P2RY8: variants seen among roughly 807,000 people sequenced by gnomAD.
P2RY8 encodes the protein S-geranylgeranyl-glutathione receptor P2RY8.
P2RY8 carries 6 observed loss-of-function variants against 10.0 expected under a neutral mutation model. That is an observed-to-expected ratio of 0.60 (90% confidence interval 0.33 to 1.19). P2RY8 has a LOEUF of 1.19. Among genes scored for constraint, P2RY8 ranks in the 50% most tolerant of loss-of-function variants. The pLI is 0.04. For missense variants in P2RY8, 456 were observed against 542.0 expected, an observed-to-expected ratio of 0.84 and a Z score of 1.58; for synonymous variants, 276 against 252.5, an observed-to-expected ratio of 1.09 and a Z score of -0.88.
At chrX:1,530,695 C>G (rs1380582952) in intron 1 of P2RY8, among the ~76,000 whole-genome samples, 2 of 150,846 alleles carry the variant, frequency 1.3e-5, no homozygotes, top group Admixed American at 6.6e-5. Flanking sequence ...ATCTATGCAT[C>G]TATATATCTA....
intron 1 of P2RY8, among the ~76,000 whole-genome samples, chrX:1,507,553 A>G (rs1296310705): frequency 1.3e-5 from 2 of 152,146 alleles, no homozygotes; most frequent in Non-Finnish European, 2.9e-5. Context: ...GAGTCCCTGC[A>G]GTACTGGCGA....
At chrX:1,468,143 G>T (rs1218214014) in intron 1 of P2RY8, among the ~76,000 whole-genome samples, 2 of 134,570 alleles carry the variant, frequency 1.5e-5, no homozygotes, top group Admixed American at 7.3e-5. Flanking sequence ...TGGCTATGTT[G>T]CCCAGGCTGG....
rs1270936339 is a variant in P2RY8, at chrX:1,484,760, A to C, written c.-24-18178T>G. ...AAAAAAAAAAAAAAGAAGAAGAAGA[A>C]GAAGAAGCGGCAGCTGGGGAACCTT... is the stretch of plus-strand genomic sequence containing the variant. On this transcript the variant is annotated intron_variant, in intron 1 of 1. Coordinates refer to ENST00000381297, the MANE Select transcript of P2RY8 (RefSeq NM_178129.5). 4.8e-5 allele frequency among the ~76,000 whole-genome samples: 7 copies of C among 145,978 alleles called. 1 individual carries two copies. The highest frequency in any genetic ancestry group is 2.7e-4 in the Admixed American group (4 of 14,582).
At chrX:1,469,085 CT>C (rs1215871326) in intron 1 of P2RY8, among the ~76,000 whole-genome samples, 3 of 22,836 alleles carry the variant, frequency 1.3e-4, no homozygotes, top group African/African-American at 8.7e-4. Flanking sequence ...CCTTCCCTCT[CT>C]CCTCTCCTTC....
At position 1,499,140 on chromosome X, in the gene P2RY8, T is replaced by TTTTTTC. The variant is rs1203492998; in HGVS notation, c.-24-32564_-24-32559dup. ...GAGCCCCTGCACCCAACCCTCTGTT[T>TTTTTTC]TTTTTCTTTTTCTTTTTCTTTTCTT... On this transcript the variant is annotated intron_variant, in intron 1 of 1. Transcript: ENST00000381297. Among the ~76,000 whole-genome samples, 64 of 148,230 alleles carry TTTTTTC rather than the reference T, an allele frequency of 4.3e-4. 1 individual carries two copies. Among genetic ancestry groups the TTTTTTC allele is most frequent in the East Asian group, 5.9e-4 (3 of 5,070 alleles).
Position 1,489,426 on chromosome X carries a change from T to C in P2RY8, c.-24-22844A>G, listed in dbSNP as rs148178893. 5.7e-3 allele frequency among the ~76,000 whole-genome samples: 860 copies of C among 152,060 alleles called. 7 individuals are homozygous for C. Among genetic ancestry groups the C allele is most frequent in the African/African-American group, 0.02 (824 of 41,450 alleles). On this transcript the variant is annotated intron_variant, in intron 1 of 1. Coordinates refer to ENST00000381297, the MANE Select transcript of P2RY8 (RefSeq NM_178129.5). ...CACCCAGGATTCACTTCCGTAAATG[T>C]AGAGAGAATGAATATCACTCAGAGA...
chrX:1,534,871 G>A (rs1461068070), intron 1 of P2RY8, among the ~76,000 whole-genome samples: 1 of 152,082 alleles, frequency 6.6e-6, no homozygotes, highest in Non-Finnish European at 1.5e-5. Context: ...TTGGAGGGAG[G>A]GAGCGTCTCT....
intron 1 of P2RY8, among the ~76,000 whole-genome samples, chrX:1,492,001 C>G (rs1292996578): frequency 2.6e-5 from 4 of 152,234 alleles, no homozygotes; most frequent in Non-Finnish European, 5.9e-5. Context: ...CTCCGGTCCA[C>G]TTTGGTCCAG....
At chrX:1,472,557 G>C (rs1416729897) in intron 1 of P2RY8, among the ~76,000 whole-genome samples, 2 of 140,790 alleles carry the variant, frequency 1.4e-5, no homozygotes, top group African/African-American at 5.4e-5. Flanking sequence ...GTGGGTTTGT[G>C]AATGGGTGGG....
chrX:1,481,550 GCT>G (rs1256734272), intron 1 of P2RY8, among the ~76,000 whole-genome samples: 1 of 151,656 alleles, frequency 6.6e-6, no homozygotes, highest in Non-Finnish European at 1.5e-5. Flanking sequence ...AAGGAGCCCA[GCT>G]TTGGGTTTAG....
chrX:1,531,581 G>A (rs2092475959), intron 1 of P2RY8, among the ~76,000 whole-genome samples: 1 of 152,088 alleles, frequency 6.6e-6, no homozygotes, highest in Non-Finnish European at 1.5e-5. Context: ...AACACAGCCT[G>A]GCACCTGCCA....
intron 1 of P2RY8, among the ~76,000 whole-genome samples, chrX:1,478,249 A>ATG (rs745819761): frequency 2.5e-3 from 377 of 148,456 alleles, no homozygotes; most frequent in Admixed American, 8.5e-3. Context: ...TGGCAGGCGT[A>ATG]TGTGTGTGTG....
intron 1 of P2RY8, among the ~76,000 whole-genome samples, chrX:1,471,921 A>C (rs2091792172): frequency 6.6e-6 from 1 of 151,964 alleles, no homozygotes; most frequent in African/African-American, 2.4e-5. Flanking sequence ...AAGGAACCAC[A>C]AGCCAGCCCC....
rs1477278358 is a variant in P2RY8 at position 1,469,507 on chromosome X, ACC to A, written c.-24-2927_-24-2926del. 2.0e-5 allele frequency among the ~76,000 whole-genome samples: 3 copies of A among 151,898 alleles called. No individual in the cohort carries two copies. The East Asian group carries it at 5.8e-4, about 29-fold the overall frequency. On this transcript the variant is annotated intron_variant, in intron 1 of 1. Coordinates refer to ENST00000381297, the MANE Select transcript of P2RY8 (RefSeq NM_178129.5). ...TCTTATGCTTTGCAGGTAAATGCAC[ACC>A]TGTCTGGCAGCAATGCATCCAGCAA...
At chrX:1,532,753 G>C (rs1354125743) in intron 1 of P2RY8, among the ~76,000 whole-genome samples, 1 of 151,922 alleles carries the variant, frequency 6.6e-6, no homozygotes, top group Non-Finnish European at 1.5e-5. Flanking sequence ...TGTCATCCCA[G>C]CACTTTGGGA....
intron 1 of P2RY8, among the ~76,000 whole-genome samples, chrX:1,481,849 A>C (rs1464683089): frequency 6.6e-6 from 1 of 152,146 alleles, no homozygotes; most frequent in African/African-American, 2.4e-5. Context: ...TCAGATCACA[A>C]GGCAAGAATC....
At chrX:1,472,679 G>A (rs2091804544) in intron 1 of P2RY8, among the ~76,000 whole-genome samples, 1 of 87,096 alleles carries the variant, frequency 1.1e-5, no homozygotes, top group Non-Finnish European at 2.4e-5. Context: ...TGAATGCATG[G>A]ATGGGTGGAT....
At chrX:1,489,589 AT>A in intron 1 of P2RY8, among the ~76,000 whole-genome samples, 1 of 152,038 alleles carries the variant, frequency 6.6e-6, no homozygotes, top group African/African-American at 2.4e-5. Flanking sequence ...ATACCCAGAT[AT>A]TCCCTGCAAA....
chrX:1,509,890 C>G (rs771504617), intron 1 of P2RY8, among the ~76,000 whole-genome samples: 4 of 151,584 alleles, frequency 2.6e-5, no homozygotes, highest in African/African-American at 9.7e-5. Context: ...TTCTATCTAT[C>G]TATGTATGTA....
Sources: allele counts gnomAD v4.1 joint callset (sites outside exome capture counted in the v4.1 genomes callset), GRCh38; gene constraint gnomAD v4.1.1; transcripts MANE v1.5; gene names NCBI Gene and HGNC (gene_info 2026-07-23, HGNC 2026-07-21).